MEF2A: variants seen among roughly 807,000 people sequenced by gnomAD.
MEF2A encodes the protein myocyte-specific enhancer factor 2A.
A neutral mutation model predicts 55.8 loss-of-function variants in MEF2A; 28 were observed. The observed-to-expected ratio is 0.50, with a 90% CI of 0.37 to 0.69. The LOEUF (loss-of-function observed/expected upper bound fraction) is 0.69. Ranked by LOEUF, MEF2A falls within the 30% of genes least tolerant of loss-of-function variation. The pLI is 0.00. For synonymous variants in MEF2A, 239 were observed against 227.1 expected, an observed-to-expected ratio of 1.05 and a Z score of -0.47; for missense variants, 528 against 626.2, an observed-to-expected ratio of 0.84 and a Z score of 1.67.
intron 1 of MEF2A, among the ~76,000 whole-genome samples, chr15:99,592,635 CATG>C (rs1483665403): frequency 1.3e-5 from 2 of 152,010 alleles, no homozygotes. Flanking sequence ...ATGTTACAGT[CATG>C]GTGAAAGGGA....
chr15:99,568,243 A>G (rs1049159612), intron 1 of MEF2A, among the ~76,000 whole-genome samples: 17 of 152,346 alleles, frequency 1.1e-4, no homozygotes, highest in Non-Finnish European at 2.4e-4. Flanking sequence ...AAATAATTGT[A>G]ATGTCACCAT....
At chr15:99,689,844 T>C (rs769494041) in intron 7 of MEF2A, among the ~76,000 whole-genome samples, 1 of 152,218 alleles carries the variant, frequency 6.6e-6, no homozygotes, top group Admixed American at 6.5e-5. Context: ...ACAAGTATCA[T>C]TAGTCTTAAG....
intron 4 of MEF2A, among the ~76,000 whole-genome samples, chr15:99,667,461 G>C (rs1216215905): frequency 2.6e-5 from 4 of 152,086 alleles, no homozygotes; most frequent in Admixed American, 6.6e-5. Context: ...CTGACCTCGT[G>C]ATCCGCCCGC....
At position 99,716,392 on chromosome 15, in the gene MEF2A, G is replaced by C; in HGVS notation, c.*3621G>C. The C allele has an allele frequency of 2.5e-6, 1 of 401,938 alleles. No homozygotes were observed. The highest frequency in any genetic ancestry group is 5.1e-6 in the Non-Finnish European group (1 of 196,634). 24.9% of individuals were successfully genotyped at this position (401,938 alleles called of 1,614,324 possible). ...TTCATTATACAATAAATATAATAGT[G>C]AACTTTTTATCAAATGGTGAAGACA... On this transcript the variant is annotated 3_prime_UTR_variant, in exon 12 of 12. Transcript: ENST00000557942.
intron 1 of MEF2A, among the ~76,000 whole-genome samples, chr15:99,580,675 G>A (rs1285778954): frequency 6.6e-6 from 1 of 152,182 alleles, no homozygotes; most frequent in Non-Finnish European, 1.5e-5. Flanking sequence ...AAATGGCTTG[G>A]TTTTATTATA....
intron 9 of MEF2A, 94 bp from the exon 10 acceptor site, chr15:99,706,628 ATTCATAT>A: frequency 7.6e-7 from 1 of 1,308,394 alleles, no homozygotes; most frequent in Admixed American, 1.8e-5. Context: ...AGAAAATGAC[ATTCATAT>A]GAAACTGTGA....
Position 99,670,285 on chromosome 15 carries a change from C to T in MEF2A, c.259-1038C>T, listed in dbSNP as rs116381654. On this transcript the variant is annotated intron_variant, in intron 4 of 11. Transcript: ENST00000557942. ...TAAGAAAAAAAAAGTCAGTATAATC[C>T]AGGAGATATTTTAATGGCACTCAAG... Among the ~76,000 whole-genome samples, 1,055 of 152,018 alleles carry T rather than the reference C, an allele frequency of 6.9e-3. 12 individuals carry two copies. Among genetic ancestry groups the T allele is most frequent in the African/African-American group, 0.024 (1,002 of 41,462 alleles).
chr15:99,565,888 G>C, upstream of MEF2A: 1 of 153,358 alleles, frequency 6.5e-6, no homozygotes, highest in African/African-American at 2.4e-5. Context: ...GGGCTGCGGA[G>C]GGACACCGAG....
At position 99,712,425 on chromosome 15, in the gene MEF2A, C is replaced by G. The variant is rs1056672385; in HGVS notation, c.1172C>G (p.Ser391Cys). The change falls in exon 12 of 12, where the codon TCC becomes TGC. Residue 391 changes from serine (S) to cysteine (C), a missense_variant. Physicochemically the swap from Ser to Cys is moderately radical, Grantham distance 112. Coordinates refer to ENST00000557942, the MANE Select transcript of MEF2A (RefSeq NM_001319206.4). This position sits in a 1 kb window ranked among gnomAD's most constrained non-coding sequence, Gnocchi z 4.1. ...GGQLSQGSNL[S>C]INTNQNISIK... is the part of the protein sequence containing the mutation. Reference sequence around the variant, plus strand: ...CAGTTATCTCAGGGTTCCAATTTATCCATTAATACCAACCAAAACATCAGC... The same window carrying G: ...CAGTTATCTCAGGGTTCCAATTTATGCATTAATACCAACCAAAACATCAGC... The G allele has an allele frequency of 9.7e-6, 15 of 1,546,772 alleles. No individual in the cohort carries two copies. The highest frequency in any genetic ancestry group is 1.3e-5 in the Non-Finnish European group (15 of 1,142,942).
intron 2 of MEF2A, among the ~76,000 whole-genome samples, chr15:99,625,343 C>T (rs2041887841): frequency 6.6e-6 from 1 of 152,108 alleles, no homozygotes; most frequent in Non-Finnish European, 1.5e-5. Flanking sequence ...TTTGTAGAAT[C>T]TTTAAGAGTT....
At chr15:99,605,262 A>G (rs1432951424) in intron 2 of MEF2A, among the ~76,000 whole-genome samples, 1 of 152,154 alleles carries the variant, frequency 6.6e-6, no homozygotes, top group African/African-American at 2.4e-5. Flanking sequence ...TTCCACTTTT[A>G]AAGATGTGTT....
chr15:99,707,380 G>A (rs1274124227), intron 10 of MEF2A, among the ~76,000 whole-genome samples: 1 of 152,150 alleles, frequency 6.6e-6, no homozygotes, highest in African/African-American at 2.4e-5. Flanking sequence ...ATGTGCACCT[G>A]AGGGGCAAAA....
At chr15:99,701,421 TGAAAA>T (rs1302503540) in intron 8 of MEF2A, among the ~76,000 whole-genome samples, 1 of 152,052 alleles carries the variant, frequency 6.6e-6, no homozygotes, top group African/African-American at 2.4e-5. Flanking sequence ...GTCAAGGTCA[TGAAAA>T]GGAAAGACTG....
intron 7 of MEF2A, chr15:99,681,682 A>G (rs4408523): frequency 0.22 from 34,064 of 152,208 alleles, 4,447 homozygotes; most frequent in South Asian, 0.31. Context: ...ATAAATTTTT[A>G]TTGGACAGGA....
intron 1 of MEF2A, among the ~76,000 whole-genome samples, chr15:99,572,020 T>G (rs1334515267): frequency 1.3e-5 from 2 of 151,680 alleles, no homozygotes; most frequent in African/African-American, 4.8e-5. Context: ...GAAGTTTTTT[T>G]TTTTTTTTTT....
At chr15:99,639,032 A>C (rs1297235912) in intron 3 of MEF2A, among the ~76,000 whole-genome samples, 1 of 152,178 alleles carries the variant, frequency 6.6e-6, no homozygotes, top group Non-Finnish European at 1.5e-5. Context: ...AGACATCCTC[A>C]TATACTTAAA....
chr15:99,685,252 G>A (rs1181546058), intron 7 of MEF2A, among the ~76,000 whole-genome samples: 1 of 152,074 alleles, frequency 6.6e-6, no homozygotes, highest in East Asian at 1.9e-4. Flanking sequence ...TATTTTGATG[G>A]GAATTGCATT....
At position 99,606,314 on chromosome 15, in the gene MEF2A, G is replaced by A. The variant is rs1975107466; in HGVS notation, c.-143+7803G>A. Among the ~76,000 whole-genome samples, 4 of 151,976 alleles carry A rather than the reference G, an allele frequency of 2.6e-5. No individual in the cohort carries two copies. The South Asian group carries it at 8.3e-4, about 32-fold the overall frequency. On this transcript the variant is annotated intron_variant, in intron 2 of 11. Transcript: ENST00000557942. Reference sequence around the variant, plus strand: ...TTTTGGAAGCTAATATAGATGAACAGGTTCATGCTCTTTGGCCAGGAAAAT... The same window carrying A: ...TTTTGGAAGCTAATATAGATGAACAAGTTCATGCTCTTTGGCCAGGAAAAT...
chr15:99,596,194 T>C (rs1971116471), intron 1 of MEF2A, among the ~76,000 whole-genome samples: 1 of 152,202 alleles, frequency 6.6e-6, no homozygotes, highest in South Asian at 2.1e-4. Flanking sequence ...GATGAGAATA[T>C]GTACTGTGAT....
Sources: allele counts gnomAD v4.1 joint callset (sites outside exome capture counted in the v4.1 genomes callset), GRCh38; gene constraint gnomAD v4.1.1; non-coding constraint Gnocchi (gnomAD v3.1); transcripts MANE v1.5; gene names NCBI Gene and HGNC (gene_info 2026-07-23, HGNC 2026-07-21).